FTO: variants seen among roughly 807,000 people sequenced by gnomAD.
FTO encodes alpha-ketoglutarate-dependent dioxygenase FTO.
Under a neutral mutation model 63.9 loss-of-function variants are expected in FTO, and 47 were observed. The observed-to-expected ratio is 0.74, with a 90% CI of 0.58 to 0.94. The LOEUF is 0.94. Among genes scored for constraint, FTO ranks in the 40% least tolerant of loss-of-function variants. The pLI is 0.00. For missense variants in FTO, 562 were observed against 618.1 expected, an observed-to-expected ratio of 0.91 and a Z score of 0.96; for synonymous variants, 207 against 224.4, an observed-to-expected ratio of 0.92 and a Z score of 0.69.
At chr16:53,720,698 C>T (rs920796539) in intron 1 of FTO, among the ~76,000 whole-genome samples, 13 of 146,130 alleles carry the variant, frequency 8.9e-5, no homozygotes, top group African/African-American at 2.5e-4. Flanking sequence ...CTGTGTCTTC[C>T]GAAGTATCTA....
intron 8 of FTO, among the ~76,000 whole-genome samples, chr16:54,051,057 A>T (rs1344037288): frequency 3.3e-5 from 5 of 152,196 alleles, no homozygotes; most frequent in African/African-American, 1.2e-4. Flanking sequence ...TTCCTCTACA[A>T]AAAGCGTTAT....
chr16:53,789,866 ATATATATACAAATTATATATACATATACG>A lies in FTO; in HGVS notation c.46-20265_46-20237del, dbSNP rs993567194. Among the ~76,000 whole-genome samples the A allele has an allele frequency of 7.7e-4, 12 of 15,586 alleles. No homozygotes were observed. In the East Asian group the frequency reaches 0.015, roughly 19 times the overall value. The allele number at this position is 15,586 out of a possible 152,430, so 10.2% of individuals were successfully genotyped here. On this transcript the variant is annotated intron_variant, in intron 1 of 8. Transcript: ENST00000471389. ...CCAGACAAATTATATAAATGTATGTATATATATACAAATTATATATACATATACGTATATATATACAAATTATATATATA... is the reference window on the plus strand; with the variant it reads ...CCAGACAAATTATATAAATGTATGTATATATATATACAAATTATATATATA...
At chr16:53,705,301 A>G (rs2075572759) in intron 1 of FTO, among the ~76,000 whole-genome samples, 1 of 152,122 alleles carries the variant, frequency 6.6e-6, no homozygotes, top group Admixed American at 6.5e-5. Flanking sequence ...TAAAGGCAAA[A>G]CTTCACATTG....
intron 8 of FTO, chr16:53,998,270 A>G (rs191586951): frequency 1.2e-4 from 19 of 152,408 alleles, no homozygotes; most frequent in Admixed American, 5.2e-4. Flanking sequence ...AGTTGAAGAC[A>G]CAGCAACAGA....
intron 7 of FTO, among the ~76,000 whole-genome samples, chr16:53,892,699 C>A (rs1422452590): frequency 6.6e-6 from 1 of 152,072 alleles, no homozygotes; most frequent in Non-Finnish European, 1.5e-5. Flanking sequence ...AAATAAAAAA[C>A]CTCAGGGAAT....
intron 8 of FTO, among the ~76,000 whole-genome samples, chr16:54,095,281 C>A (rs1349982476): frequency 6.6e-6 from 1 of 152,124 alleles, no homozygotes; most frequent in Non-Finnish European, 1.5e-5. Context: ...CTTAAGGGAG[C>A]CTTCTGCCTT....
intron 8 of FTO, among the ~76,000 whole-genome samples, chr16:54,110,944 G>T (rs1176704616): frequency 6.6e-6 from 1 of 152,164 alleles, no homozygotes; most frequent in Non-Finnish European, 1.5e-5. Context: ...AGTTTTCCCA[G>T]GTCACTTTTT....
intron 8 of FTO, among the ~76,000 whole-genome samples, chr16:53,980,320 C>T (rs1406448002): frequency 2.0e-5 from 3 of 152,214 alleles, no homozygotes; most frequent in Non-Finnish European, 1.5e-5. Context: ...GTTTGACAGC[C>T]GTTTGCTACC....
intron 8 of FTO, among the ~76,000 whole-genome samples, chr16:54,068,521 C>A (rs746501046): frequency 2.0e-5 from 3 of 152,102 alleles, no homozygotes; most frequent in Non-Finnish European, 4.4e-5. Context: ...GTCCCCATGG[C>A]TGAGGTTATG....
At chr16:53,779,826 T>C (rs1056014493) in intron 1 of FTO, among the ~76,000 whole-genome samples, 2 of 152,202 alleles carry the variant, frequency 1.3e-5, no homozygotes, top group African/African-American at 4.8e-5. Flanking sequence ...GATGCTCTAG[T>C]AGGTGTTTTA....
At chr16:53,823,827 G>A (rs2078930890) in intron 2 of FTO, among the ~76,000 whole-genome samples, 1 of 152,110 alleles carries the variant, frequency 6.6e-6, no homozygotes, top group Non-Finnish European at 1.5e-5. Flanking sequence ...GGAGGTTGCA[G>A]TGAGCCAAGA....
chr16:54,062,463 C>T (rs1382669985), intron 8 of FTO, among the ~76,000 whole-genome samples: 1 of 152,158 alleles, frequency 6.6e-6, no homozygotes, highest in African/African-American at 2.4e-5. Context: ...CTAAGCACTT[C>T]AGTGCCTCAC....
chr16:53,922,898 G>A (rs766900631), intron 7 of FTO, among the ~76,000 whole-genome samples: 42 of 152,184 alleles, frequency 2.8e-4, no homozygotes, highest in Non-Finnish European at 5.1e-4. Flanking sequence ...GATAGGTTTT[G>A]TTTTCTTGGT....
intron 1 of FTO, among the ~76,000 whole-genome samples, chr16:53,791,776 T>C (rs1342005366): frequency 1.3e-5 from 2 of 152,128 alleles, no homozygotes; most frequent in African/African-American, 2.4e-5. Flanking sequence ...GAAAGCATGA[T>C]AATAAAGCGT....
intron 8 of FTO, among the ~76,000 whole-genome samples, chr16:53,964,893 A>G (rs2083161975): frequency 6.6e-6 from 1 of 152,228 alleles, no homozygotes; most frequent in African/African-American, 2.4e-5. Flanking sequence ...ACATTAGATT[A>G]TTATTTTCTA....
chr16:53,712,525 C>A (rs982129031), intron 1 of FTO, among the ~76,000 whole-genome samples: 2 of 152,018 alleles, frequency 1.3e-5, no homozygotes, highest in Non-Finnish European at 2.9e-5. Flanking sequence ...AATACTGTAC[C>A]TTACTTGAAA....
At chr16:53,869,543 T>G (rs1301329019) in intron 4 of FTO, among the ~76,000 whole-genome samples, 1 of 54,894 alleles carries the variant, frequency 1.8e-5, no homozygotes, top group Non-Finnish European at 4.9e-5. Context: ...ATAGTTCTGT[T>G]TTTTTTTTTT....
rs1009708732 is a variant in FTO at position 53,888,739 on chromosome 16, A to G, written c.1120-93A>G. On this transcript the variant is annotated intron_variant, in intron 6 of 8. Coordinates refer to ENST00000471389, the MANE Select transcript of FTO (RefSeq NM_001080432.3). ...ACCTTTTCTCATCCTATGGCCATCA[A>G]GTTACTGGAGGAGAATTAAGAGACG... The G allele has an allele frequency of 2.9e-5, 40 of 1,372,940 alleles. No individual in the cohort carries two copies. The African/African-American group carries it at 4.1e-4, about 14-fold the overall frequency. The allele number at this position is 1,372,940 out of a possible 1,614,324, so 85.0% of individuals were successfully genotyped here.
At chr16:53,755,555 A>G (rs989266109) in intron 1 of FTO, among the ~76,000 whole-genome samples, 1 of 152,220 alleles carries the variant, frequency 6.6e-6, no homozygotes, top group Non-Finnish European at 1.5e-5. Flanking sequence ...GAATGAAATC[A>G]TCAATCATTT....
Sources: allele counts gnomAD v4.1 joint callset (sites outside exome capture counted in the v4.1 genomes callset), GRCh38; gene constraint gnomAD v4.1.1; transcripts MANE v1.5; gene names NCBI Gene and HGNC (gene_info 2026-07-23, HGNC 2026-07-21).